PIWIL3: variants seen among roughly 807,000 people sequenced by gnomAD.
PIWIL3 encodes the protein piwi-like protein 3.
PIWIL3 carries 101 observed loss-of-function variants against 109.7 expected under a neutral mutation model. The observed-to-expected ratio is 0.92, with a 90% CI of 0.78 to 1.09. The LOEUF (loss-of-function observed/expected upper bound fraction) is 1.09, where lower values mean the gene tolerates loss of function less well. Ranked by LOEUF, PIWIL3 falls within the 50% of genes least tolerant of loss-of-function variation. The pLI, the probability that PIWIL3 is intolerant of heterozygous loss-of-function variation, is 0.00. For synonymous variants in PIWIL3, 373 were observed against 376.4 expected, an observed-to-expected ratio of 0.99 and a Z score of 0.10; for missense variants, 1,031 against 1,072.6, an observed-to-expected ratio of 0.96 and a Z score of 0.54.
chr22:24,753,579 T>C (rs911327887), intron 8 of PIWIL3, among the ~76,000 whole-genome samples: 3 of 152,202 alleles, frequency 2.0e-5, no homozygotes, highest in African/African-American at 4.8e-5. Context: ...TGTGTCCCTG[T>C]AAGGTTGTGT....
Position 24,724,996 on chromosome 22 carries a change from G to A in PIWIL3, c.2122C>T (p.His708Tyr), listed in dbSNP as rs1922908531. Residue 708 changes from histidine (H) to tyrosine (Y), a missense_variant, in exon 18 of 21, where the codon CAT becomes TAT. By Grantham distance (83) the His-to-Tyr change is moderately conservative. Coordinates refer to ENST00000616349, the MANE Select transcript of PIWIL3 (RefSeq NM_001255975.1). ...VWCKNESSMP[H>Y]SVIVYRDGVG... is the part of the protein sequence containing the mutation. The stretch of plus-strand genomic sequence containing the variant: ...CCATCCCGATACACAATAACAGAAT[G>A]TGGCATCGATGATTCGTTTTTACAC... 2 of 1,614,056 alleles carry A rather than the reference G, an allele frequency of 1.2e-6. No homozygotes were observed. Among genetic ancestry groups the A allele is most frequent in the Non-Finnish European group, 8.5e-7 (1 of 1,180,020 alleles).
intron 1 of PIWIL3, among the ~76,000 whole-genome samples, chr22:24,767,648 G>A (rs1925878617): frequency 6.6e-6 from 1 of 151,814 alleles, no homozygotes; most frequent in Non-Finnish European, 1.5e-5. Flanking sequence ...CATGCATAAT[G>A]GGAATATCAT....
chr22:24,719,950 A>T, intron 19 of PIWIL3, 55 bp from the exon 20 acceptor site: 1 of 1,392,654 alleles, frequency 7.2e-7, no homozygotes, highest in Non-Finnish European at 9.8e-7. Flanking sequence ...GGTATATAGT[A>T]AACTTAATGT....
At position 24,757,615 on chromosome 22, in the gene PIWIL3, T is replaced by TACACACACACACACACACACACACAC. The variant is rs139481317; in HGVS notation, c.355+292_355+293insGTGTGTGTGTGTGTGTGTGTGTGTGT. 4.0e-4 allele frequency among the ~76,000 whole-genome samples: 32 copies of TACACACACACACACACACACACACAC among 79,474 alleles called. 1 individual carries two copies. The highest frequency in any genetic ancestry group is 1.4e-3 in the African/African-American group (30 of 21,064). 52.1% of individuals were successfully genotyped at this position (79,474 alleles called of 152,430 possible). A position where few individuals can be genotyped will look rare whatever the true frequency, so the allele number is the denominator to read the frequency against. Reference sequence around the variant, plus strand: ...AGACCGTGTCTCTACAAAATTTACATACACACACACACACACACACACATA... The same window carrying TACACACACACACACACACACACACAC: ...AGACCGTGTCTCTACAAAATTTACATACACACACACACACACACACACACACACACACACACACACACACACACATA... On this transcript the variant is annotated intron_variant, in intron 4 of 20. Transcript: ENST00000616349.
At chr22:24,771,330 T>C (rs1360630902) in intron 1 of PIWIL3, among the ~76,000 whole-genome samples, 3 of 151,456 alleles carry the variant, frequency 2.0e-5, no homozygotes, top group Non-Finnish European at 4.4e-5. Context: ...GAAAAAAAGT[T>C]AGCCAGGCAT....
chr22:24,738,891 C>T (rs1923820586), intron 12 of PIWIL3, among the ~76,000 whole-genome samples: 1 of 152,034 alleles, frequency 6.6e-6, no homozygotes, highest in Non-Finnish European at 1.5e-5. Flanking sequence ...AGGCACCAGG[C>T]ACCAGTTCTG....
At chr22:24,761,281 T>G (rs1275543413) in intron 2 of PIWIL3, among the ~76,000 whole-genome samples, 1 of 152,062 alleles carries the variant, frequency 6.6e-6, no homozygotes, top group Non-Finnish European at 1.5e-5. Context: ...GGCTGGGTCT[T>G]GGCAATATCA....
intron 17 of PIWIL3, 87 bp from the exon 18 acceptor site, chr22:24,725,124 C>A: frequency 6.7e-7 from 1 of 1,497,316 alleles, no homozygotes; most frequent in Non-Finnish European, 9.1e-7. Flanking sequence ...GTCCATCTTT[C>A]AACACTGCAG....
intron 7 of PIWIL3, among the ~76,000 whole-genome samples, chr22:24,754,472 C>G (rs1028648999): frequency 5.3e-5 from 8 of 151,198 alleles, no homozygotes; most frequent in Non-Finnish European, 1.2e-4. Context: ...TACACATATA[C>G]CAGTGAGTAA....
chr22:24,771,412 A>G (rs1926125695), intron 1 of PIWIL3, among the ~76,000 whole-genome samples: 1 of 149,388 alleles, frequency 6.7e-6, no homozygotes, highest in Admixed American at 6.8e-5. Context: ...TGGGAGGAGG[A>G]GCTTTTGTGA....
At chr22:24,722,301 C>G (rs1922720882) in intron 19 of PIWIL3, among the ~76,000 whole-genome samples, 1 of 152,140 alleles carries the variant, frequency 6.6e-6, no homozygotes, top group Admixed American at 6.5e-5. Context: ...CCAGGATGGT[C>G]TCTATCTCTG....
At chr22:24,730,162 C>A (rs1923254428) in intron 14 of PIWIL3, among the ~76,000 whole-genome samples, 1 of 151,834 alleles carries the variant, frequency 6.6e-6, no homozygotes, top group Non-Finnish European at 1.5e-5. Flanking sequence ...GTCAGGAGTT[C>A]GAGACCAGCG....
At chr22:24,760,014 A>C in intron 2 of PIWIL3, 25 bp from the exon 3 acceptor site, 1 of 1,613,166 alleles carries the variant, frequency 6.2e-7, no homozygotes, top group African/African-American at 1.3e-5. Context: ...AAATAGAAAT[A>C]ATGAGCAGTG....
At chr22:24,740,210 G>C (rs1230244445) in intron 12 of PIWIL3, among the ~76,000 whole-genome samples, 1 of 32,504 alleles carries the variant, frequency 3.1e-5, no homozygotes, top group Non-Finnish European at 8.5e-5. Context: ...AACGGAGGGA[G>C]ACTGTCTCAA....
chr22:24,734,729 G>A lies in PIWIL3; in HGVS notation c.1635-573C>T, dbSNP rs140038822. ...AAATTGTCTAGTGCTTCCAGCAGGG[G>A]GAGGGGAAAAGAATTTATTTTGAAA... On this transcript the variant is annotated intron_variant, in intron 13 of 20. Transcript: ENST00000616349. Among the ~76,000 whole-genome samples, 23 of 152,128 alleles carry A rather than the reference G, an allele frequency of 1.5e-4. No homozygotes were observed. The East Asian group carries it at 4.3e-3, about 28-fold the overall frequency.
intron 12 of PIWIL3, among the ~76,000 whole-genome samples, chr22:24,741,314 A>C (rs994720945): frequency 8.5e-5 from 13 of 152,134 alleles, no homozygotes; most frequent in African/African-American, 2.9e-4. Context: ...GGAGATCAAG[A>C]CCATCCTGGC....
intron 14 of PIWIL3, among the ~76,000 whole-genome samples, chr22:24,730,185 T>G (rs909636080): frequency 8.6e-5 from 13 of 151,874 alleles, no homozygotes; most frequent in Non-Finnish European, 1.8e-4. Flanking sequence ...GCCAATACGG[T>G]GAAACCCCGT....
chr22:24,759,935 G>A lies in PIWIL3; in HGVS notation c.157C>T (p.Pro53Ser), dbSNP rs1434792952. ...CTTGGCTGCAGAGGTCTAACCACTG[G>A]GACTTCCTCCTGCAGCGGCCGGGGT... ...STPRPLQEEV[P>S]VVRPLQPRAA... is the part of the protein sequence containing the mutation. Residue 53 changes from proline (P) to serine (S), a missense_variant, in exon 3 of 21, where the codon CCA becomes TCA. Physicochemically the swap from Pro to Ser is moderately conservative, Grantham distance 74. Coordinates refer to ENST00000616349, the MANE Select transcript of PIWIL3 (RefSeq NM_001255975.1). 3.1e-6 allele frequency: 5 copies of A among 1,614,124 alleles called. No individual in the cohort carries two copies. The South Asian group carries it at 5.5e-5, about 18-fold the overall frequency.
intron 12 of PIWIL3, among the ~76,000 whole-genome samples, chr22:24,745,881 CATAT>C (rs1041000784): frequency 1.1e-4 from 17 of 152,010 alleles, no homozygotes; most frequent in African/African-American, 4.1e-4. Context: ...AATTACTAAA[CATAT>C]ACAACCTACC....
Sources: gnomAD v4.1 joint callset for allele counts (sites outside exome capture counted in the v4.1 genomes callset) on GRCh38, gnomAD v4.1.1 for gene constraint, MANE v1.5 for transcripts, NCBI Gene and HGNC (gene_info 2026-07-23, HGNC 2026-07-21) for gene names.